The following SPIRE1 variants were observed in gnomAD, a reference collection of about 807,000 sequenced individuals.
SPIRE1 encodes the protein spire type actin nucleation factor 1, also known as protein spire homolog 1.
SPIRE1 carries 40 observed loss-of-function variants against 94.1 expected under a neutral mutation model. That is an observed-to-expected ratio of 0.43 (90% CI 0.33 to 0.55). The LOEUF (loss-of-function observed/expected upper bound fraction) is 0.55, where lower values mean the gene tolerates loss of function less well. SPIRE1 is among the 20% of genes least tolerant of loss of function. The pLI is 0.06. For synonymous variants in SPIRE1, 376 were observed against 371.7 expected (o/e 1.01, Z -0.13); for missense variants, 838 against 975.2 (o/e 0.86, Z 1.87).
chr18:12,517,377 T>C (rs1169471673), intron 4 of SPIRE1, among the ~76,000 whole-genome samples: 1 of 152,224 alleles, frequency 6.6e-6, no homozygotes, highest in African/African-American at 2.4e-5. Context: ...GCTTAGAATC[T>C]ATAAATACTG....
At chr18:12,587,712 C>G (rs2036425490) in intron 2 of SPIRE1, among the ~76,000 whole-genome samples, 1 of 152,004 alleles carries the variant, frequency 6.6e-6, no homozygotes, top group Non-Finnish European at 1.5e-5. Flanking sequence ...TTTTTCCTAC[C>G]CAGTGATTTA....
intron 2 of SPIRE1, among the ~76,000 whole-genome samples, chr18:12,585,165 A>C (rs565117337): frequency 6.6e-6 from 1 of 152,336 alleles, no homozygotes; most frequent in South Asian, 2.1e-4. Context: ...GACCAAAAAA[A>C]TTGGATGAAG....
At chr18:12,637,283 C>T (rs957966295) in intron 1 of SPIRE1, among the ~76,000 whole-genome samples, 6 of 149,276 alleles carry the variant, frequency 4.0e-5, no homozygotes, top group Non-Finnish European at 5.9e-5. Context: ...GGCGTGAACC[C>T]GGGAGGCAGA....
chr18:12,541,468 T>C (rs2144246138), intron 3 of SPIRE1, among the ~76,000 whole-genome samples: 1 of 152,360 alleles, frequency 6.6e-6, no homozygotes, highest in East Asian at 1.9e-4. Context: ...TGTTTGAATG[T>C]TGTTCAATGC....
At chr18:12,535,333 T>A in intron 4 of SPIRE1, 143 bp downstream of exon 4, 1 of 819,576 alleles carries the variant, frequency 1.2e-6, no homozygotes, top group Non-Finnish European at 1.8e-6. Flanking sequence ...CCTAAATGAC[T>A]TTCAGCACTC....
intron 9 of SPIRE1, among the ~76,000 whole-genome samples, chr18:12,481,067 C>A (rs1220107976): frequency 6.6e-6 from 1 of 152,090 alleles, no homozygotes; most frequent in Non-Finnish European, 1.5e-5. Context: ...TGGTGGCTCA[C>A]GCCTGTAATC....
At chr18:12,594,329 T>TG (rs749252481) in intron 2 of SPIRE1, among the ~76,000 whole-genome samples, 66 of 152,076 alleles carry the variant, frequency 4.3e-4, no homozygotes, top group Non-Finnish European at 7.8e-4. Flanking sequence ...TATTAAGCAA[T>TG]GGGGGGATCA....
intron 5 of SPIRE1, among the ~76,000 whole-genome samples, chr18:12,510,975 T>C (rs2034015711): frequency 6.6e-6 from 1 of 152,226 alleles, no homozygotes; most frequent in South Asian, 2.1e-4. Flanking sequence ...CCTGAAAAAC[T>C]GTAGATATTC....
At chr18:12,645,736 A>G (rs1424588782) in intron 1 of SPIRE1, among the ~76,000 whole-genome samples, 1 of 152,214 alleles carries the variant, frequency 6.6e-6, no homozygotes, top group Non-Finnish European at 1.5e-5. Context: ...TAAAAAGAGT[A>G]ATCTGCTTAC....
chr18:12,575,273 G>A (rs147851103), intron 2 of SPIRE1, among the ~76,000 whole-genome samples: 1 of 151,922 alleles, frequency 6.6e-6, no homozygotes, highest in African/African-American at 2.4e-5. Context: ...GGCTAGTTAT[G>A]ACTCAGTGAA....
intron 2 of SPIRE1, among the ~76,000 whole-genome samples, chr18:12,567,251 T>C (rs559470823): frequency 1.3e-5 from 2 of 152,124 alleles, no homozygotes; most frequent in South Asian, 4.2e-4. Context: ...AATACTTAGG[T>C]GTCAATCTAA....
At chr18:12,454,926 T>C (rs531540435) in intron 12 of SPIRE1, among the ~76,000 whole-genome samples, 295 of 151,818 alleles carry the variant, frequency 1.9e-3, no homozygotes, top group African/African-American at 6.6e-3. Context: ...AAAAAGCAAA[T>C]CTACAGTGGT....
In SPIRE1 at chr18:12,575,311, T is replaced by A. The variant is rs2036066173; in HGVS notation, c.373-28407A>T. Among the ~76,000 whole-genome samples the A allele has an allele frequency of 3.9e-5, 6 of 152,118 alleles. No homozygotes were observed. The South Asian group carries it at 1.3e-3, about 32-fold the overall frequency. On this transcript the variant is annotated intron_variant, in intron 2 of 16. Transcript: ENST00000409402. ...CAAAGAGTAAAAAAAAATAAAAAAA[T>A]TAAAATAAAAAAGCTAGTCGTTTCT...
intron 10 of SPIRE1, among the ~76,000 whole-genome samples, chr18:12,476,541 CAAAAAAAAAAAAA>C (rs558968043): frequency 2.1e-5 from 1 of 46,816 alleles, no homozygotes; most frequent in African/African-American, 4.7e-5. Context: ...ACTCTGTCTC[CAAAAAAAAAAAAA>C]AAAAAAAAAA....
chr18:12,554,706 A>G (rs1419191655), intron 2 of SPIRE1, among the ~76,000 whole-genome samples: 1 of 152,258 alleles, frequency 6.6e-6, no homozygotes, highest in Non-Finnish European at 1.5e-5. Context: ...TCTACAGGCC[A>G]GTATCACTGA....
At chr18:12,658,135 CG>C, upstream of SPIRE1, 1 of 962,950 alleles carries the variant, frequency 1.0e-6, no homozygotes. Context: ...CGCCCCGCCT[CG>C]CGCCGTCCAG....
intron 9 of SPIRE1, 106 bp downstream of exon 9, chr18:12,485,853 T>A (rs1489349348): frequency 1.2e-6 from 1 of 840,736 alleles, no homozygotes. Flanking sequence ...AGCAGAAGCC[T>A]TTCAATTTTC....
chr18:12,624,677 A>C (rs943852428), intron 2 of SPIRE1, among the ~76,000 whole-genome samples: 1 of 147,848 alleles, frequency 6.8e-6, no homozygotes, highest in Admixed American at 6.8e-5. Context: ...TCTACTAAAA[A>C]TACAAAAATT....
chr18:12,486,134 G>A, intron 8 of SPIRE1, 134 bp from the exon 9 acceptor site: 1 of 640,540 alleles, frequency 1.6e-6, no homozygotes, highest in African/African-American at 2.0e-5. Flanking sequence ...GCAGAAGCTA[G>A]TGAATGAAAA....
Sources: allele counts gnomAD v4.1 joint callset (sites outside exome capture counted in the v4.1 genomes callset), GRCh38; gene constraint gnomAD v4.1.1; transcripts MANE v1.5; gene names NCBI Gene and HGNC (gene_info 2026-07-23, HGNC 2026-07-21).